The following ATP13A5 variants were observed in gnomAD, a reference collection of about 807,000 sequenced individuals.
ATP13A5 encodes the protein ATPase 13A5.
A neutral mutation model predicts 150.2 loss-of-function variants in ATP13A5; 149 were observed. The observed-to-expected ratio is 0.99, with a 90% CI of 0.87 to 1.14. The LOEUF (loss-of-function observed/expected upper bound fraction) is 1.14. Among genes scored for constraint, ATP13A5 ranks in the 50% most tolerant of loss-of-function variants. ATP13A5 has a pLI of 0.00. For missense variants in ATP13A5, 1,383 were observed against 1,449.3 expected (o/e 0.95, Z 0.74); for synonymous variants, 497 against 522.2 (o/e 0.95, Z 0.66).
intron 12 of ATP13A5, 49 bp downstream of exon 12, chr3:193,331,074 A>C: frequency 1.3e-6 from 2 of 1,562,988 alleles, no homozygotes; most frequent in Non-Finnish European, 1.7e-6. Context: ...TCCCAGCTCC[A>C]CCATGCCTTG....
intron 1 of ATP13A5, among the ~76,000 whole-genome samples, chr3:193,365,555 T>C (rs1713209675): frequency 6.6e-6 from 1 of 152,168 alleles, no homozygotes; most frequent in African/African-American, 2.4e-5. Context: ...TTGTGAATTA[T>C]AGTTTTATTA....
chr3:193,306,617 C>T (rs1302286279), intron 22 of ATP13A5, among the ~76,000 whole-genome samples: 1 of 152,140 alleles, frequency 6.6e-6, no homozygotes, highest in Non-Finnish European at 1.5e-5. Flanking sequence ...AAATCTTCCT[C>T]ACTTCTTGTC....
intron 20 of ATP13A5, among the ~76,000 whole-genome samples, chr3:193,311,586 G>T (rs930241577): frequency 6.6e-6 from 1 of 152,170 alleles, no homozygotes; most frequent in Admixed American, 6.5e-5. Flanking sequence ...GGCCACAGGG[G>T]TGAGAGAAGG....
chr3:193,284,797 T>C (rs560845581), intron 27 of ATP13A5, 117 bp downstream of exon 27: 18 of 879,198 alleles, frequency 2.0e-5, no homozygotes, highest in Middle Eastern at 3.4e-4. Flanking sequence ...ACAACAATTT[T>C]AGAGTCATGC....
intron 21 of ATP13A5, 55 bp downstream of exon 21, chr3:193,310,583 C>A: frequency 7.2e-7 from 1 of 1,384,866 alleles, no homozygotes; most frequent in Non-Finnish European, 1.0e-6. Flanking sequence ...GAATTATTGA[C>A]CCATAGGTAG....
intron 26 of ATP13A5, among the ~76,000 whole-genome samples, chr3:193,288,432 G>C (rs1717812765): frequency 6.6e-6 from 1 of 152,132 alleles, no homozygotes; most frequent in Non-Finnish European, 1.5e-5. Context: ...TCAGTCAGCA[G>C]CCGCTCAGCT....
intron 1 of ATP13A5, among the ~76,000 whole-genome samples, chr3:193,378,083 TGTG>T (rs1713706348): frequency 6.8e-6 from 1 of 146,582 alleles, no homozygotes; most frequent in East Asian, 1.9e-4. Flanking sequence ...AATGTGTGTG[TGTG>T]TGTGTGTGTG....
chr3:193,378,410 A>G (rs1385333192), intron 1 of ATP13A5, among the ~76,000 whole-genome samples: 1 of 152,218 alleles, frequency 6.6e-6, no homozygotes, highest in African/African-American at 2.4e-5. Flanking sequence ...TAAATGTGCG[A>G]GGAAACATCA....
intron 23 of ATP13A5, 42 bp downstream of exon 23, chr3:193,305,517 G>A: frequency 3.5e-6 from 5 of 1,435,908 alleles, no homozygotes; most frequent in Non-Finnish European, 4.9e-6. Context: ...CCAGACAATG[G>A]GCCCATTGAT....
At chr3:193,292,373 C>T (rs1185045178) in intron 25 of ATP13A5, among the ~76,000 whole-genome samples, 1 of 152,134 alleles carries the variant, frequency 6.6e-6, no homozygotes, top group African/African-American at 2.4e-5. Flanking sequence ...GGTCTTCTCT[C>T]TCATGCTCAT....
chr3:193,314,269 C>T (rs1029511744), intron 18 of ATP13A5, 76 bp from the exon 19 acceptor site: 21 of 1,490,048 alleles, frequency 1.4e-5, no homozygotes, highest in Non-Finnish European at 1.7e-5. Context: ...CTCCCTTTTC[C>T]ACTCTGCTTG....
In ATP13A5 at chr3:193,307,345, A is replaced by G. The variant is rs1367433623; in HGVS notation, c.2550T>C (p.Asp850=). ...KLNYYVGMCG[D]GANDCGALKA... is the part of the protein sequence containing the mutation. ...TACTCACCCCACAGTCGTTAGCTCC[A>G]TCTCCACACATGCCCACATAATAAC... The change falls in exon 22 of 30, where the codon GAT becomes GAC. Residue 850 remains aspartate (D), a synonymous_variant. Coordinates refer to ENST00000342358, the MANE Select transcript of ATP13A5 (RefSeq NM_198505.4). 5.0e-6 allele frequency: 8 copies of G among 1,613,908 alleles called. No individual in the cohort carries two copies. The highest frequency in any genetic ancestry group is 6.8e-6 in the Non-Finnish European group (8 of 1,179,894).
At chr3:193,333,127 C>CCT (rs916022270) in intron 11 of ATP13A5, among the ~76,000 whole-genome samples, 1 of 150,278 alleles carries the variant, frequency 6.7e-6, no homozygotes, top group Admixed American at 6.6e-5. Context: ...TCACTGCCCA[C>CCT]CTCTCTCTCT....
intron 15 of ATP13A5, among the ~76,000 whole-genome samples, chr3:193,322,230 T>A (rs566764273): frequency 1.2e-4 from 19 of 152,354 alleles, no homozygotes; most frequent in Admixed American, 2.0e-4. Flanking sequence ...TGAGTCTACC[T>A]GTTCCTCCAA....
At chr3:193,365,005 C>T (rs950032881) in intron 1 of ATP13A5, among the ~76,000 whole-genome samples, 1 of 152,112 alleles carries the variant, frequency 6.6e-6, no homozygotes, top group African/African-American at 2.4e-5. Context: ...AATAGATTTG[C>T]TTATTGAAGG....
chr3:193,307,276 C>T (rs1577339248), intron 22 of ATP13A5, 51 bp downstream of exon 22: 2 of 1,612,928 alleles, frequency 1.2e-6, no homozygotes, highest in Non-Finnish European at 1.7e-6. Flanking sequence ...TGAGGTCCTC[C>T]AGAGGGATAT....
intron 9 of ATP13A5, among the ~76,000 whole-genome samples, chr3:193,341,419 C>T (rs755876026): frequency 6.6e-6 from 1 of 152,120 alleles, no homozygotes; most frequent in African/African-American, 2.4e-5. Flanking sequence ...TCAAAGTCCT[C>T]GTACTGGGAG....
intron 12 of ATP13A5, 100 bp downstream of exon 12, chr3:193,331,023 T>A (rs886659229): frequency 4.0e-6 from 5 of 1,257,666 alleles, no homozygotes; most frequent in Non-Finnish European, 5.6e-6. Flanking sequence ...CGTTCCTATC[T>A]GTAAAATGGG....
intron 7 of ATP13A5, among the ~76,000 whole-genome samples, chr3:193,350,514 C>A (rs1712524009): frequency 6.6e-6 from 1 of 152,078 alleles, no homozygotes; most frequent in African/African-American, 2.4e-5. Flanking sequence ...ACAACCCATC[C>A]CCTAACTCCC....
Sources: allele counts gnomAD v4.1 joint callset (sites outside exome capture counted in the v4.1 genomes callset), GRCh38; gene constraint gnomAD v4.1.1; transcripts MANE v1.5; gene names NCBI Gene and HGNC (gene_info 2026-07-23, HGNC 2026-07-21).